NARS1: variants seen among roughly 807,000 people sequenced by gnomAD.
NARS1 encodes asparagine--tRNA ligase, cytoplasmic.
In NARS1, 65 loss-of-function variants were observed where a neutral mutation model predicts 79.2. The observed-to-expected ratio is 0.82, with a 90% CI of 0.67 to 1.01. NARS1 has a LOEUF of 1.01. Ranked by LOEUF, NARS1 falls within the 50% of genes least tolerant of loss-of-function variation. NARS1 has a pLI of 0.00. For missense variants in NARS1, 649 were observed against 673.8 expected (o/e 0.96, Z 0.41); for synonymous variants, 229 against 238.8 (o/e 0.96, Z 0.38).
At chr18:57,606,860 A>G in intron 9 of NARS1, 109 bp from the exon 10 acceptor site, 2 of 1,445,404 alleles carry the variant, frequency 1.4e-6, no homozygotes, top group Non-Finnish European at 1.9e-6. Flanking sequence ...CAATGCTACC[A>G]ATTCCCAACT....
chr18:57,606,533 A>T, intron 10 of NARS1, 83 bp downstream of exon 10: 6 of 1,394,400 alleles, frequency 4.3e-6, no homozygotes, highest in Non-Finnish European at 5.9e-6. Context: ...CAAGCCATCA[A>T]ATCTACAAAA....
At chr18:57,616,934 G>GA (rs951329758) in intron 2 of NARS1, among the ~76,000 whole-genome samples, 1 of 101,744 alleles carries the variant, frequency 9.8e-6, no homozygotes, top group African/African-American at 4.1e-5. Context: ...GGGCGACAGA[G>GA]AGAGACTCTG....
intron 2 of NARS1, among the ~76,000 whole-genome samples, chr18:57,618,759 G>T (rs1302513725): frequency 6.6e-6 from 1 of 151,928 alleles, no homozygotes; most frequent in Non-Finnish European, 1.5e-5. Flanking sequence ...CAAATTAACC[G>T]CGTGTGGTGA....
intron 6 of NARS1, among the ~76,000 whole-genome samples, chr18:57,610,627 A>G (rs2051597298): frequency 1.3e-5 from 2 of 152,142 alleles, no homozygotes; most frequent in Non-Finnish European, 2.9e-5. Context: ...CTAGAAGAAC[A>G]TGCTAAAGGA....
chr18:57,603,618 A>C (rs1436561319), intron 11 of NARS1, among the ~76,000 whole-genome samples: 1 of 152,220 alleles, frequency 6.6e-6, no homozygotes, highest in Non-Finnish European at 1.5e-5. Flanking sequence ...TAAAGTTAAC[A>C]CAGAAGTTAA....
chr18:57,614,255 C>T (rs766336359), intron 4 of NARS1, among the ~76,000 whole-genome samples: 75 of 152,052 alleles, frequency 4.9e-4, no homozygotes, highest in Non-Finnish European at 9.4e-4. Flanking sequence ...AATCCCAGCA[C>T]TTTGGGAGGC....
rs571797671 is a variant in NARS1 at position 57,605,704 on chromosome 18, C to CA, written c.1251+152dup. Among the ~76,000 whole-genome samples the CA allele has an allele frequency of 2.3e-3, 352 of 152,128 alleles. 2 individuals carry two copies. The highest frequency in any genetic ancestry group is 8.3e-3 in the African/African-American group (343 of 41,502). ...TGTCCTAAGGCTGACTCTGTTAACT[C>CA]AGCGAATCTGCAGGCAACCCAAGAA... is the stretch of plus-strand genomic sequence containing the variant. On this transcript the variant is annotated intron_variant, in intron 11 of 13. Coordinates refer to ENST00000256854, the MANE Select transcript of NARS1 (RefSeq NM_004539.4).
intron 11 of NARS1, among the ~76,000 whole-genome samples, chr18:57,603,816 T>C (rs933851006): frequency 1.9e-5 from 2 of 104,974 alleles, no homozygotes; most frequent in African/African-American, 6.4e-5. Flanking sequence ...AGAGCTCTAG[T>C]CTCTCAGCTT....
intron 5 of NARS1, 130 bp from the exon 6 acceptor site, chr18:57,611,837 G>C (rs779788776): frequency 2.8e-6 from 1 of 353,826 alleles, no homozygotes; most frequent in South Asian, 7.2e-5. Context: ...ATCACAGCTC[G>C]CTGCAGCCTC....
Position 57,607,124 on chromosome 18 carries a change from A to G in NARS1, c.1001+10T>C, listed in dbSNP as rs1158741630. On this transcript the variant is annotated intron_variant, in intron 9 of 13. Transcript: ENST00000256854. Reference sequence around the variant, plus strand: ...CTAGAAAGAAATAAAACAAAAAGACAACTTCATACTCAGCCAGGTGCCTTC... The same window carrying G: ...CTAGAAAGAAATAAAACAAAAAGACGACTTCATACTCAGCCAGGTGCCTTC... 1 of 1,593,424 alleles carries G rather than the reference A, an allele frequency of 6.3e-7. No homozygotes were observed. Among genetic ancestry groups the G allele is most frequent in the Admixed American group, 1.8e-5 (1 of 55,364 alleles).
rs1278819843 is a variant in NARS1 at position 57,609,395 on chromosome 18, C to G, written c.541G>C (p.Val181Leu). The change falls in exon 7 of 14, where the codon GTG becomes CTG. Residue 181 changes from valine to leucine, a missense_variant. Coordinates refer to ENST00000256854, the MANE Select transcript of NARS1 (RefSeq NM_004539.4). ...VLLSTESSVA[V>L]YGMLNLTPKG... ...GGGGTAAGATTTAGCATTCCATACA[C>G]TGCAACACTGCTCTCCGTGGACAAG... is the stretch of plus-strand genomic sequence containing the variant. The G allele has an allele frequency of 1.2e-6, 2 of 1,613,984 alleles. No homozygotes were observed. Among genetic ancestry groups the G allele is most frequent in the Non-Finnish European group, 1.7e-6 (2 of 1,180,012 alleles).
intron 2 of NARS1, among the ~76,000 whole-genome samples, chr18:57,617,060 T>G (rs1568166847): frequency 1.3e-5 from 2 of 151,944 alleles, no homozygotes; most frequent in Middle Eastern, 3.2e-3. Flanking sequence ...TATCAAGCAT[T>G]GCTGTGTTAT....
rs147563455 is a variant in NARS1 at position 57,604,715 on chromosome 18, C to T, written c.1251+1142G>A. ...GACCAGCCCGGGCAACATAGGGAGA[C>T]GCCATCTCTACAAATAATAAAAAAT... is the stretch of plus-strand genomic sequence containing the variant. On this transcript the variant is annotated intron_variant, in intron 11 of 13. Coordinates refer to ENST00000256854, the MANE Select transcript of NARS1 (RefSeq NM_004539.4). Among the ~76,000 whole-genome samples the T allele has an allele frequency of 1.9e-4, 29 of 152,138 alleles. No individual in the cohort carries two copies. In the East Asian group the frequency reaches 3.3e-3, roughly 17 times the overall value.
At chr18:57,610,033 G>GTT (rs1451672162) in intron 6 of NARS1, among the ~76,000 whole-genome samples, 1 of 152,020 alleles carries the variant, frequency 6.6e-6, no homozygotes, top group Non-Finnish European at 1.5e-5. Context: ...GAAACCCTGT[G>GTT]TCTCAAAACA....
At chr18:57,616,150 G>A in intron 2 of NARS1, 175 bp from the exon 3 acceptor site, 1 of 598,754 alleles carries the variant, frequency 1.7e-6, no homozygotes, top group South Asian at 2.4e-5. Context: ...TGGTTGGCTG[G>A]GCGCGGTGGC....
At chr18:57,608,437 CAAAAAA>C (rs1175712420) in intron 7 of NARS1, among the ~76,000 whole-genome samples, 5 of 78,276 alleles carry the variant, frequency 6.4e-5, no homozygotes, top group Non-Finnish European at 1.1e-4. Context: ...AACTCCGTCT[CAAAAAA>C]AAAAAAAAAA....
chr18:57,617,871 C>G (rs1908120610), intron 2 of NARS1, among the ~76,000 whole-genome samples: 2 of 146,718 alleles, frequency 1.4e-5, no homozygotes, highest in South Asian at 4.3e-4. Flanking sequence ...GCTGAGATTG[C>G]ACCACTGCAC....
At chr18:57,605,136 T>TAC (rs1313650785) in intron 11 of NARS1, among the ~76,000 whole-genome samples, 8 of 79,750 alleles carry the variant, frequency 1.0e-4, no homozygotes, top group African/African-American at 2.5e-4. Context: ...AAAAAAAAAA[T>TAC]ATATATATAT....
chr18:57,617,572 CAAAAA>C (rs59412339), intron 2 of NARS1, among the ~76,000 whole-genome samples: 3 of 66,604 alleles, frequency 4.5e-5, no homozygotes, highest in Non-Finnish European at 5.3e-5. Flanking sequence ...GACTCCGTCT[CAAAAA>C]AAAAAAAAAA....
Sources: allele counts gnomAD v4.1 joint callset (sites outside exome capture counted in the v4.1 genomes callset), GRCh38; gene constraint gnomAD v4.1.1; transcripts MANE v1.5; gene names NCBI Gene and HGNC (gene_info 2026-07-23, HGNC 2026-07-21).